The following VWDE variants were observed in gnomAD, a reference collection of about 807,000 sequenced individuals.
VWDE encodes von Willebrand factor D and EGF domains.
In VWDE, 207 loss-of-function variants were observed where a neutral mutation model predicts 178.4. The observed-to-expected ratio is 1.16, with a 90% CI of 1.04 to 1.30. The LOEUF (loss-of-function observed/expected upper bound fraction) is 1.30. Among genes scored for constraint, VWDE ranks in the 50% most tolerant of loss-of-function variants. The pLI, the probability that VWDE is intolerant of heterozygous loss-of-function variation, is 0.00. For synonymous variants in VWDE, 738 were observed against 651.4 expected (o/e 1.13, Z -2.02); for missense variants, 2,287 against 1,901.3 (o/e 1.20, Z -3.77).
At chr7:12,389,071 T>A in intron 3 of VWDE, 56 bp downstream of exon 3, 2 of 1,169,962 alleles carry the variant, frequency 1.7e-6, no homozygotes, top group East Asian at 2.6e-5. Flanking sequence ...CAGAGAATGG[T>A]ACGAATGGCA....
At chr7:12,360,408 G>C (rs952428519) in intron 15 of VWDE, among the ~76,000 whole-genome samples, 4 of 152,090 alleles carry the variant, frequency 2.6e-5, no homozygotes, top group Non-Finnish European at 4.4e-5. Context: ...TGAATATATG[G>C]AAATGGAATA....
At chr7:12,367,001 G>C (rs1473126608) in intron 13 of VWDE, among the ~76,000 whole-genome samples, 1 of 151,944 alleles carries the variant, frequency 6.6e-6, no homozygotes, top group East Asian at 1.9e-4. Context: ...TTGTAAAAGG[G>C]AAATGTTCAT....
At chr7:12,375,441 A>ACATATT (rs1783473224) in intron 7 of VWDE, among the ~76,000 whole-genome samples, 1 of 152,072 alleles carries the variant, frequency 6.6e-6, no homozygotes. Context: ...TAATATATAC[A>ACATATT]TATGTACACA....
At chr7:12,338,663 C>G (rs1273519763) in intron 24 of VWDE, among the ~76,000 whole-genome samples, 1 of 151,988 alleles carries the variant, frequency 6.6e-6, no homozygotes, top group Non-Finnish European at 1.5e-5. Flanking sequence ...ATGAGAAAAT[C>G]CACCCTCCAC....
chr7:12,365,791 C>G (rs1223389546), intron 13 of VWDE, among the ~76,000 whole-genome samples: 2 of 152,108 alleles, frequency 1.3e-5, no homozygotes, highest in African/African-American at 4.8e-5. Flanking sequence ...GAGAGACAGA[C>G]TTAACTTCAG....
chr7:12,339,200 T>G (rs889302596), intron 24 of VWDE, among the ~76,000 whole-genome samples: 1 of 152,212 alleles, frequency 6.6e-6, no homozygotes, highest in African/African-American at 2.4e-5. Context: ...GTTCAATAGA[T>G]AATTTTTAAT....
intron 27 of VWDE, among the ~76,000 whole-genome samples, chr7:12,335,836 A>G (rs1780990725): frequency 6.6e-6 from 1 of 152,180 alleles, no homozygotes. Flanking sequence ...ATATGAAATA[A>G]TATTTAAACT....
In VWDE at chr7:12,344,219, G is replaced by A. The variant is rs925043448; in HGVS notation, c.4054C>T (p.His1352Tyr). The change falls in exon 21 of 29, where the codon CAT becomes TAT. Residue 1352 changes from histidine to tyrosine, a missense_variant. By Grantham distance (83) the His-to-Tyr change is moderately conservative. Coordinates refer to ENST00000275358, the MANE Select transcript of VWDE (RefSeq NM_001135924.3). The stretch of plus-strand genomic sequence containing the variant: ...CCTTCATCACAGGTTGCTCCACCAT[G>A]TCCTGGAAGACACTGACAAATGTTA... Reference protein sequence around the residue: ...KPNICQCLPGHGGATCDEEHC... With the variant: ...KPNICQCLPGYGGATCDEEHC... 4.6e-5 allele frequency: 72 copies of A among 1,551,088 alleles called. No individual in the cohort carries two copies. Among genetic ancestry groups the A allele is most frequent in the Non-Finnish European group, 6.1e-5 (70 of 1,146,596 alleles).
At chr7:12,371,393 G>T (rs2128555942) in intron 10 of VWDE, among the ~76,000 whole-genome samples, 1 of 152,176 alleles carries the variant, frequency 6.6e-6, no homozygotes, top group South Asian at 2.1e-4. Flanking sequence ...AGAGTTTGCT[G>T]AATGACCCTA....
Position 12,342,069 on chromosome 7 carries a change from G to A in VWDE, c.4260C>T (p.Thr1420=). The A allele has an allele frequency of 6.4e-7, 1 of 1,551,032 alleles. No homozygotes were observed. The highest frequency in any genetic ancestry group is 1.2e-5 in the South Asian group (1 of 84,012). The change falls in exon 23 of 29, where the codon ACC becomes ACT. Residue 1420 remains threonine (T), a synonymous_variant. Coordinates refer to ENST00000275358, the MANE Select transcript of VWDE (RefSeq NM_001135924.3). ...CQCKPGWYGP[T]CSTALCDPVC... is the part of the protein sequence containing the mutation. ...TATTTCCAATTTTACCTGTACTACA[G>A]GTGGGTCCATACCAGCCAGGTTTGC...
At chr7:12,396,494 T>A (rs1784632103) in intron 1 of VWDE, among the ~76,000 whole-genome samples, 1 of 152,176 alleles carries the variant, frequency 6.6e-6, no homozygotes, top group African/African-American at 2.4e-5. Context: ...TCTTCAAAGA[T>A]TTGAGAAAGA....
chr7:12,341,174 G>A (rs73680924), intron 23 of VWDE, among the ~76,000 whole-genome samples: 2,378 of 150,736 alleles, frequency 0.016, 56 homozygotes, highest in African/African-American at 0.057. Flanking sequence ...AACAATATGC[G>A]ACTTGAAATG....
chr7:12,380,133 C>A (rs1203817622), intron 5 of VWDE, among the ~76,000 whole-genome samples: 1 of 151,134 alleles, frequency 6.6e-6, no homozygotes, highest in Non-Finnish European at 1.5e-5. Context: ...TAAAAAGTGA[C>A]ATCGTCATTT....
At position 12,357,400 on chromosome 7, in the gene VWDE, C is replaced by T. The variant is rs1191416930; in HGVS notation, c.3390G>A (p.Thr1130=). 14 of 1,551,796 alleles carry T rather than the reference C, an allele frequency of 9.0e-6. No homozygotes were observed. The highest frequency in any genetic ancestry group is 1.1e-5 in the Non-Finnish European group (13 of 1,147,068). ...TTGCCCCTTCAGGACCAGAGTCCAA[C>T]GTAAAATGGATGTCAGAACCTTCTG... ...FDPEGSDIHF[T]LDSGPEGASV... is the part of the protein sequence containing the mutation. Residue 1130 remains threonine, a synonymous_variant, in exon 17 of 29, where the codon ACG becomes ACA. Transcript: ENST00000275358.
Position 12,361,146 on chromosome 7 carries a change from C to A in VWDE, c.3159+1G>T. ...TGAAAATACATGAAAAAAATACATA[C>A]CTTTATAGTACATGAGTCATTTTTA... On this transcript the variant is annotated splice_donor_variant, in intron 15 of 28. Transcript: ENST00000275358. LOFTEE classifies it high-confidence loss of function. 3 of 1,501,572 alleles carry A rather than the reference C, an allele frequency of 2.0e-6. No homozygotes were observed. The highest frequency in any genetic ancestry group is 2.7e-6 in the Non-Finnish European group (3 of 1,104,988). 93.0% of individuals were successfully genotyped at this position (1,501,572 alleles called of 1,614,324 possible).
At chr7:12,339,720 T>C (rs1013664928) in intron 24 of VWDE, among the ~76,000 whole-genome samples, 3 of 152,242 alleles carry the variant, frequency 2.0e-5, no homozygotes, top group Admixed American at 6.5e-5. Flanking sequence ...TATGAAGATG[T>C]AGAAAATACA....
intron 12 of VWDE, 75 bp from the exon 13 acceptor site, chr7:12,367,568 C>T: frequency 8.0e-7 from 1 of 1,243,838 alleles, no homozygotes; most frequent in Non-Finnish European, 1.1e-6. Flanking sequence ...TTTCCAAGCC[C>T]CAAATTAAAA....
At chr7:12,385,036 A>G (rs1165959145) in intron 3 of VWDE, among the ~76,000 whole-genome samples, 5 of 151,972 alleles carry the variant, frequency 3.3e-5, no homozygotes, top group African/African-American at 9.7e-5. Flanking sequence ...ATTTCCATAG[A>G]GTCTTCTAAA....
rs533262157 is a variant in VWDE, at chr7:12,331,153, C to A, written c.*30G>T. ...ACAAAATATTTCCATTCTTAAGATA[C>A]AGGCTTGTAATTCATATACTTGATG... On this transcript the variant is annotated 3_prime_UTR_variant, in exon 29 of 29. Coordinates refer to ENST00000275358, the MANE Select transcript of VWDE (RefSeq NM_001135924.3). The A allele has an allele frequency of 3.3e-4, 498 of 1,522,674 alleles. No individual in the cohort carries two copies. Among genetic ancestry groups the A allele is most frequent in the Non-Finnish European group, 4.2e-4 (469 of 1,129,576 alleles). 94.3% of individuals were successfully genotyped at this position (1,522,674 alleles called of 1,614,324 possible).
Sources: allele counts gnomAD v4.1 joint callset (sites outside exome capture counted in the v4.1 genomes callset), GRCh38; gene constraint gnomAD v4.1.1; transcripts MANE v1.5; gene names NCBI Gene and HGNC (gene_info 2026-07-23, HGNC 2026-07-21).